CDH6: variants seen among roughly 807,000 people sequenced by gnomAD.
The protein encoded by CDH6 is cadherin 6, also known as cadherin-6.
A neutral mutation model predicts 78.0 loss-of-function variants in CDH6; 31 were observed. The observed-to-expected ratio is 0.40, with a 90% CI of 0.30 to 0.54. The LOEUF is 0.54. Among genes scored for constraint, CDH6 ranks in the 20% least tolerant of loss-of-function variants. The pLI, the probability that CDH6 is intolerant of heterozygous loss-of-function variation, is 0.56. For synonymous variants in CDH6, 376 were observed against 368.8 expected, an observed-to-expected ratio of 1.02 and a Z score of -0.23; for missense variants, 724 against 975.9, an observed-to-expected ratio of 0.74 and a Z score of 3.44.
intron 8 of CDH6, among the ~76,000 whole-genome samples, chr5:31,314,837 T>G (rs1317180): frequency 0.5 from 76,685 of 151,962 alleles, 19,768 homozygotes; most frequent in Non-Finnish European, 0.54. Context: ...GTTTTTAAGA[T>G]TTAATGTTTC....
At chr5:31,244,514 T>C (rs142407911) in intron 1 of CDH6, among the ~76,000 whole-genome samples, 116 of 152,150 alleles carry the variant, frequency 7.6e-4, no homozygotes, top group African/African-American at 2.6e-3. Context: ...GGGAGGCTCA[T>C]GCTGGAGAGA....
At chr5:31,208,687 A>G (rs1474454913) in intron 1 of CDH6, among the ~76,000 whole-genome samples, 1 of 152,226 alleles carries the variant, frequency 6.6e-6, no homozygotes, top group Non-Finnish European at 1.5e-5. Flanking sequence ...TTATCAACCC[A>G]TAGTAGCACA....
At chr5:31,319,437 AG>A (rs1161117726) in intron 11 of CDH6, among the ~76,000 whole-genome samples, 1 of 152,250 alleles carries the variant, frequency 6.6e-6, no homozygotes, top group Non-Finnish European at 1.5e-5. Context: ...TGCTTTACAA[AG>A]GTTTTTCTCA....
chr5:31,214,818 C>G (rs1364479160), intron 1 of CDH6, among the ~76,000 whole-genome samples: 1 of 152,110 alleles, frequency 6.6e-6, no homozygotes, highest in Non-Finnish European at 1.5e-5. Context: ...AATGTTTGAA[C>G]CTTCGATGTA....
intron 2 of CDH6, among the ~76,000 whole-genome samples, chr5:31,275,128 A>G (rs1469882761): frequency 6.6e-6 from 1 of 152,250 alleles, no homozygotes; most frequent in Non-Finnish European, 1.5e-5. Flanking sequence ...GTAGCAGATA[A>G]GAATATAAAT....
At chr5:31,307,069 G>C (rs1738011346) in intron 7 of CDH6, among the ~76,000 whole-genome samples, 2 of 152,130 alleles carry the variant, frequency 1.3e-5, no homozygotes, top group Non-Finnish European at 2.9e-5. Flanking sequence ...GAGAGTGAGA[G>C]AGGGAGGCGA....
At chr5:31,234,049 A>G (rs1184433050) in intron 1 of CDH6, among the ~76,000 whole-genome samples, 1 of 3,030 alleles carries the variant, frequency 3.3e-4, no homozygotes, top group Non-Finnish European at 7.9e-3. Context: ...TATCTCAAAT[A>G]CATTTTTTTC....
chr5:31,252,328 GGTGTGT>G (rs5867065), intron 1 of CDH6, among the ~76,000 whole-genome samples: 4 of 148,924 alleles, frequency 2.7e-5, no homozygotes, highest in African/African-American at 5.0e-5. Flanking sequence ...ATGTGTGTGT[GGTGTGT>G]GTGTGTGTGT....
intron 1 of CDH6, among the ~76,000 whole-genome samples, chr5:31,203,135 G>C (rs1308078976): frequency 1.3e-5 from 2 of 151,706 alleles, no homozygotes; most frequent in African/African-American, 4.8e-5. Flanking sequence ...AATTCTATTA[G>C]TGTGGCCTTG....
chr5:31,316,417 G>C (rs954879252), intron 9 of CDH6, 88 bp downstream of exon 9: 2 of 1,194,240 alleles, frequency 1.7e-6, no homozygotes, highest in Non-Finnish European at 2.4e-6. Context: ...AGCTGAAGGA[G>C]AGTTGTGAAT....
intron 1 of CDH6, among the ~76,000 whole-genome samples, chr5:31,248,656 T>C (rs1741824131): frequency 6.6e-6 from 1 of 152,122 alleles, no homozygotes. Flanking sequence ...ATTCTTCTTG[T>C]TTGAACTCAA....
In CDH6 at chr5:31,323,928, C is replaced by A; in HGVS notation, c.*620C>A. ...GGAATAGAAGCAAATTAAACGGTAA[C>A]ATCCAAAAGCAACCACAAACCTAGT... On this transcript the variant is annotated 3_prime_UTR_variant, in exon 12 of 12. Coordinates refer to ENST00000265071, the MANE Select transcript of CDH6 (RefSeq NM_004932.4). 4.4e-6 allele frequency: 1 copy of A among 229,196 alleles called. No homozygotes were observed. The highest frequency in any genetic ancestry group is 2.2e-5 in the African/African-American group (1 of 45,252). The allele number at this position is 229,196 out of a possible 1,614,324, so 14.2% of individuals were successfully genotyped here.
At chr5:31,290,075 G>A (rs148202764) in intron 2 of CDH6, among the ~76,000 whole-genome samples, 2 of 152,194 alleles carry the variant, frequency 1.3e-5, no homozygotes, top group African/African-American at 4.8e-5. Flanking sequence ...TGGCCAACAT[G>A]GTAAAACTCT....
intron 2 of CDH6, among the ~76,000 whole-genome samples, chr5:31,273,796 T>G (rs1266238307): frequency 6.6e-6 from 1 of 152,266 alleles, no homozygotes; most frequent in Admixed American, 6.5e-5. Flanking sequence ...CTTATTGTTA[T>G]GCACATTCCT....
At chr5:31,264,695 T>A (rs2149931966) in intron 1 of CDH6, among the ~76,000 whole-genome samples, 1 of 152,308 alleles carries the variant, frequency 6.6e-6, no homozygotes, top group African/African-American at 2.4e-5. Context: ...ATCATAGTAA[T>A]TCAATTACAT....
chr5:31,199,422 G>A lies in CDH6; in HGVS notation c.-129+5536G>A, dbSNP rs534635529. On this transcript the variant is annotated intron_variant, in intron 1 of 11. Coordinates refer to ENST00000265071, the MANE Select transcript of CDH6 (RefSeq NM_004932.4). ...TATGTACTTTACATGGTGTATATAT[G>A]TACACACATATGTGTATATATACAC... is the stretch of plus-strand genomic sequence containing the variant. Among the ~76,000 whole-genome samples the A allele has an allele frequency of 5.2e-3, 747 of 143,430 alleles. 10 individuals are homozygous for A. Among genetic ancestry groups the A allele is most frequent in the African/African-American group, 0.019 (714 of 38,486 alleles). The allele number at this position is 143,430 out of a possible 152,430, so 94.1% of individuals were successfully genotyped here.
chr5:31,274,329 A>C (rs1188927321), intron 2 of CDH6, among the ~76,000 whole-genome samples: 15 of 152,208 alleles, frequency 9.9e-5, no homozygotes, highest in Non-Finnish European at 7.3e-5. Context: ...CTCTGTGCAC[A>C]GTAGCTCATG....
chr5:31,248,830 C>A (rs1442220916), intron 1 of CDH6, among the ~76,000 whole-genome samples: 1 of 152,162 alleles, frequency 6.6e-6, no homozygotes, highest in African/African-American at 2.4e-5. Flanking sequence ...GGCCCTTTGG[C>A]AGGCAATTTG....
At chr5:31,216,319 G>A (rs1740861986) in intron 1 of CDH6, among the ~76,000 whole-genome samples, 1 of 152,020 alleles carries the variant, frequency 6.6e-6, no homozygotes, top group Admixed American at 6.6e-5. Flanking sequence ...TGGCTCTCAG[G>A]CCAAATCCAG....
Sources: allele counts gnomAD v4.1 joint callset (sites outside exome capture counted in the v4.1 genomes callset), GRCh38; gene constraint gnomAD v4.1.1; transcripts MANE v1.5; gene names NCBI Gene and HGNC (gene_info 2026-07-23, HGNC 2026-07-21).